The following MBOAT2 variants were observed in gnomAD, a reference collection of about 807,000 sequenced individuals.
MBOAT2 encodes membrane bound glycerophospholipid O-acyltransferase 2, also known as membrane-bound glycerophospholipid O-acyltransferase 2.
Under a neutral mutation model 63.4 loss-of-function variants are expected in MBOAT2, and 28 were observed. The ratio of observed to expected loss-of-function variants is 0.44; its 90% CI spans 0.33 to 0.61. MBOAT2 has a LOEUF of 0.61. Among genes scored for constraint, MBOAT2 ranks in the 20% least tolerant of loss-of-function variants. The probability of loss-of-function intolerance (pLI) is 0.03; values close to 1 mark genes in which losing one functional copy is unlikely to be tolerated. For missense variants in MBOAT2, 470 were observed against 605.8 expected (o/e 0.78, Z 2.35); for synonymous variants, 211 against 215.6 (o/e 0.98, Z 0.19).
intron 1 of MBOAT2, among the ~76,000 whole-genome samples, chr2:9,002,500 T>C (rs1573301838): frequency 1.3e-5 from 2 of 152,324 alleles, no homozygotes; most frequent in East Asian, 3.9e-4. Context: ...CAGTATCCCG[T>C]GTGAAGTCCA....
chr2:8,961,090 C>T (rs1391376561), intron 1 of MBOAT2, among the ~76,000 whole-genome samples: 3 of 152,108 alleles, frequency 2.0e-5, no homozygotes, highest in Non-Finnish European at 2.9e-5. Flanking sequence ...TGAGATTGAC[C>T]CTCCACCTCT....
rs1006786496 is a variant in MBOAT2, at chr2:8,853,140, T to C, written c.*5539A>G. On this transcript the variant is annotated 3_prime_UTR_variant, in exon 13 of 13. Coordinates refer to ENST00000305997, the MANE Select transcript of MBOAT2 (RefSeq NM_138799.4). Reference sequence around the variant, plus strand: ...AAGGCAGGAATGAAATCACACATTTTCACTCTGTATATGGAAGAATTTCTC... The same window carrying C: ...AAGGCAGGAATGAAATCACACATTTCCACTCTGTATATGGAAGAATTTCTC... 1 of 152,224 alleles carries C rather than the reference T, an allele frequency of 6.6e-6. No individual in the cohort carries two copies. Among genetic ancestry groups the C allele is most frequent in the Non-Finnish European group, 1.5e-5 (1 of 68,038 alleles). 9.4% of individuals were successfully genotyped at this position (152,224 alleles called of 1,614,324 possible).
intron 3 of MBOAT2, among the ~76,000 whole-genome samples, chr2:8,912,387 GAA>G (rs1573032076): frequency 1.9e-4 from 28 of 148,340 alleles, no homozygotes; most frequent in East Asian, 1.4e-3. Flanking sequence ...AAGAAAGAAA[GAA>G]AGAAAGAAAG....
At chr2:8,984,812 T>C (rs1172971158) in intron 1 of MBOAT2, among the ~76,000 whole-genome samples, 1 of 152,180 alleles carries the variant, frequency 6.6e-6, no homozygotes. Context: ...ATAACTACCT[T>C]TTAAATAGGG....
intron 3 of MBOAT2, among the ~76,000 whole-genome samples, chr2:8,932,736 T>C (rs1475379582): frequency 6.6e-6 from 1 of 150,466 alleles, no homozygotes; most frequent in Non-Finnish European, 1.5e-5. Flanking sequence ...AACAGTTAAA[T>C]GGGATACAGT....
At chr2:8,906,324 G>A (rs1474926550) in intron 4 of MBOAT2, among the ~76,000 whole-genome samples, 2 of 152,190 alleles carry the variant, frequency 1.3e-5, no homozygotes, top group African/African-American at 2.4e-5. Context: ...TGCTCTTAAT[G>A]TCAATTGTCC....
chr2:8,976,951 A>C (rs1670859946), intron 1 of MBOAT2, among the ~76,000 whole-genome samples: 1 of 152,142 alleles, frequency 6.6e-6, no homozygotes, highest in South Asian at 2.1e-4. Flanking sequence ...AGTGCCTACT[A>C]TATGATTCTA....
Position 8,868,439 on chromosome 2 carries a change from G to A in MBOAT2, c.987+7C>T. On this transcript the variant is annotated splice_region_variant and intron_variant, in intron 9 of 12. Coordinates refer to ENST00000305997, the MANE Select transcript of MBOAT2 (RefSeq NM_138799.4). Reference sequence around the variant, plus strand: ...TATAGTAACTAACTTCTTAAAGATTGACTCACCTCTATTTGTTGAATTCTC... The same window carrying A: ...TATAGTAACTAACTTCTTAAAGATTAACTCACCTCTATTTGTTGAATTCTC... 1 of 1,609,932 alleles carries A rather than the reference G, an allele frequency of 6.2e-7. No homozygotes were observed. Among genetic ancestry groups the A allele is most frequent in the Non-Finnish European group, 8.5e-7 (1 of 1,177,218 alleles).
At chr2:8,887,873 A>G in intron 5 of MBOAT2, 145 bp downstream of exon 5, 1 of 768,576 alleles carries the variant, frequency 1.3e-6, no homozygotes, top group Admixed American at 2.3e-5. Flanking sequence ...ATTTTTCATA[A>G]TCCTAAGCAC....
At chr2:8,918,549 T>C (rs1666350580) in intron 3 of MBOAT2, among the ~76,000 whole-genome samples, 3 of 152,230 alleles carry the variant, frequency 2.0e-5, no homozygotes, top group Admixed American at 2.0e-4. Context: ...ACTTTCTGTT[T>C]GTTTAATAAA....
intron 3 of MBOAT2, among the ~76,000 whole-genome samples, chr2:8,926,659 G>A (rs1268244012): frequency 6.6e-6 from 1 of 152,226 alleles, no homozygotes; most frequent in African/African-American, 2.4e-5. Context: ...GTCACAACGG[G>A]TGCTGCGAAG....
rs563103085 is a variant in MBOAT2, at chr2:8,852,745, AC to A, written c.*5933del. 8.8e-4 allele frequency: 134 copies of A among 152,288 alleles called. No homozygotes were observed. Among genetic ancestry groups the A allele is most frequent in the African/African-American group, 2.3e-3 (97 of 41,556 alleles). The allele number at this position is 152,288 out of a possible 1,614,324, so 9.4% of individuals were successfully genotyped here. Reference sequence around the variant, plus strand: ...AAGACACACAAATTAGAAAAAAAAAACATGTCCTAAACATGTTACATGTAAG... The same window carrying A: ...AAGACACACAAATTAGAAAAAAAAAAATGTCCTAAACATGTTACATGTAAG... On this transcript the variant is annotated 3_prime_UTR_variant, in exon 13 of 13. Transcript: ENST00000305997.
At chr2:8,992,354 C>T (rs890566083) in intron 1 of MBOAT2, among the ~76,000 whole-genome samples, 2 of 152,186 alleles carry the variant, frequency 1.3e-5, no homozygotes, top group Non-Finnish European at 2.9e-5. Context: ...CTGGGCTGAT[C>T]TCAAACTCCT....
chr2:8,904,285 T>C (rs1295215613), intron 4 of MBOAT2, among the ~76,000 whole-genome samples: 1 of 151,710 alleles, frequency 6.6e-6, no homozygotes, highest in Non-Finnish European at 1.5e-5. Flanking sequence ...CATTCGTATC[T>C]TTATAATACT....
chr2:8,875,433 G>A (rs1034239569), intron 7 of MBOAT2, among the ~76,000 whole-genome samples: 12 of 152,120 alleles, frequency 7.9e-5, no homozygotes, highest in Admixed American at 4.6e-4. Flanking sequence ...ATATACATTT[G>A]TATTATTCTT....
At position 8,958,531 on chromosome 2, in the gene MBOAT2, A is replaced by G. The variant is rs779051465; in HGVS notation, c.187T>C (p.Leu63=). Residue 63 remains leucine (L), a synonymous_variant, in exon 2 of 13, where the codon TTG becomes CTG. Coordinates refer to ENST00000305997, the MANE Select transcript of MBOAT2 (RefSeq NM_138799.4). The part of the protein sequence containing the change: ...SFIRHVVATL[L]GLYLALFCFG... The stretch of plus-strand genomic sequence containing the variant: ...CAAAAAAGTGCAAGATAAAGGCCCA[A>G]AAGGGTAGCAACTACATGTCTTATA... 14 of 1,604,912 alleles carry G rather than the reference A, an allele frequency of 8.7e-6. No individual in the cohort carries two copies. The highest frequency in any genetic ancestry group is 1.2e-5 in the Non-Finnish European group (14 of 1,177,780).
chr2:8,874,557 G>T (rs928311003), intron 7 of MBOAT2, among the ~76,000 whole-genome samples: 5 of 152,136 alleles, frequency 3.3e-5, no homozygotes, highest in African/African-American at 9.7e-5. Context: ...GCAGGGATAT[G>T]GTGCTGCAAC....
At chr2:8,952,813 C>A (rs1266273341) in intron 2 of MBOAT2, among the ~76,000 whole-genome samples, 1 of 147,898 alleles carries the variant, frequency 6.8e-6, no homozygotes, top group African/African-American at 2.5e-5. Context: ...TTGTTTTTTC[C>A]ATTTGCATGG....
intron 7 of MBOAT2, among the ~76,000 whole-genome samples, chr2:8,873,576 T>C (rs976607540): frequency 1.3e-5 from 2 of 152,146 alleles, no homozygotes; most frequent in Non-Finnish European, 2.9e-5. Context: ...AATAAAAAAA[T>C]CTAAAAGCAA....
Sources: allele counts gnomAD v4.1 joint callset (sites outside exome capture counted in the v4.1 genomes callset), GRCh38; gene constraint gnomAD v4.1.1; transcripts MANE v1.5; gene names NCBI Gene and HGNC (gene_info 2026-07-23, HGNC 2026-07-21).